Variants in SLC36A1 observed in about 807,000 individuals in gnomAD.
SLC36A1 encodes proton-coupled amino acid transporter 1.
A neutral mutation model predicts 47.5 loss-of-function variants in SLC36A1; 30 were observed. The ratio of observed to expected loss-of-function variants is 0.63; its 90% CI spans 0.47 to 0.86. SLC36A1 has a LOEUF of 0.86. Among genes scored for constraint, SLC36A1 ranks in the 40% least tolerant of loss-of-function variants. SLC36A1 has a pLI of 0.00. For synonymous variants in SLC36A1, 255 were observed against 249.7 expected, an observed-to-expected ratio of 1.02 and a Z score of -0.20; for missense variants, 517 against 606.0, an observed-to-expected ratio of 0.85 and a Z score of 1.54.
At chr5:151,469,105 A>G (rs1756986555) in intron 7 of SLC36A1, 1 of 428,858 alleles carries the variant, frequency 2.3e-6, no homozygotes, top group South Asian at 6.5e-5. Context: ...AAAAAAAAAT[A>G]CTTAAATTCA....
chr5:151,449,528 A>G (rs1259255645), intron 1 of SLC36A1, among the ~76,000 whole-genome samples: 1 of 152,192 alleles, frequency 6.6e-6, no homozygotes, highest in African/African-American at 2.4e-5. Flanking sequence ...CCTTTAAGGC[A>G]TGTAGCTGTT....
chr5:151,549,210 A>G, the SLC36A1 span: 2 of 1,282,076 alleles, frequency 1.6e-6, no homozygotes, highest in Non-Finnish European at 2.2e-6. Flanking sequence ...GTACTTGATT[A>G]ATTTGCGAAT....
the SLC36A1 span, among the ~76,000 whole-genome samples, chr5:151,362,748 G>A: frequency 6.6e-6 from 1 of 152,126 alleles, no homozygotes; most frequent in African/African-American, 2.4e-5. Flanking sequence ...CTCAGCAAAT[G>A]TATTTCTCAG....
the SLC36A1 span, among the ~76,000 whole-genome samples, chr5:151,346,329 C>T: frequency 6.6e-6 from 1 of 152,186 alleles, no homozygotes; most frequent in African/African-American, 2.4e-5. Context: ...TGTGTCCATC[C>T]CTAAATTGTC....
At chr5:151,428,937 G>A in the SLC36A1 span, among the ~76,000 whole-genome samples, 3 of 152,118 alleles carry the variant, frequency 2.0e-5, no homozygotes, top group Admixed American at 6.5e-5. Context: ...CTGGCCGTCC[G>A]TCTGCTGCAT....
the SLC36A1 span, among the ~76,000 whole-genome samples, chr5:151,385,030 G>GTGTGTGTGTGTA: frequency 6.6e-6 from 1 of 151,124 alleles, no homozygotes. Context: ...GTGTGTGTGT[G>GTGTGTGTGTGTA]TGTGTGTGAG....
At position 151,467,867 on chromosome 5, in the gene SLC36A1, T is replaced by C. The variant is rs367893924; in HGVS notation, c.665T>C (p.Leu222Pro). Residue 222 changes from leucine (L) to proline (P), a missense_variant, in exon 7 of 11, where the codon CTG becomes CCG. Coordinates refer to ENST00000243389, the MANE Select transcript of SLC36A1 (RefSeq NM_078483.4). ...RNLRALSIFS[L>P]LANITMLVSL... ...CTCCGAGCCCTGTCCATCTTCTCCC[T>C]GTTGGCCAACATCACCATGCTGGTC... 4 of 1,614,028 alleles carry C rather than the reference T, an allele frequency of 2.5e-6. No individual in the cohort carries two copies. Among genetic ancestry groups the C allele is most frequent in the Non-Finnish European group, 3.4e-6 (4 of 1,179,996 alleles).
At chr5:151,553,107 C>T in the SLC36A1 span, 1 of 1,484,222 alleles carries the variant, frequency 6.7e-7, no homozygotes, top group Non-Finnish European at 9.4e-7. Flanking sequence ...AGGACTGTAG[C>T]AGGAAAACTA....
At chr5:151,434,269 A>T (rs1169219970), upstream of SLC36A1, among the ~76,000 whole-genome samples, 2 of 152,226 alleles carry the variant, frequency 1.3e-5, no homozygotes, top group African/African-American at 4.8e-5. Context: ...TTAGTAACAG[A>T]AAAAAATGTA....
chr5:151,364,527 C>T, the SLC36A1 span, among the ~76,000 whole-genome samples: 1 of 152,094 alleles, frequency 6.6e-6, no homozygotes, highest in South Asian at 2.1e-4. Flanking sequence ...TAGTGAGATC[C>T]CATTTTAATT....
At chr5:151,393,972 C>T in the SLC36A1 span, among the ~76,000 whole-genome samples, 1 of 109,316 alleles carries the variant, frequency 9.1e-6, no homozygotes, top group South Asian at 2.7e-4. Context: ...TGGGGAAGTT[C>T]TCCTGGATAA....
the SLC36A1 span, chr5:151,507,491 G>A: frequency 6.2e-7 from 1 of 1,614,164 alleles, no homozygotes; most frequent in Non-Finnish European, 8.5e-7. Context: ...CAGTGCTTAT[G>A]ATAATGAACG....
intron 1 of SLC36A1, among the ~76,000 whole-genome samples, chr5:151,454,357 G>A (rs1020839752): frequency 6.6e-6 from 1 of 152,084 alleles, no homozygotes; most frequent in African/African-American, 2.4e-5. Flanking sequence ...GGAGCCTAAG[G>A]GCAGTGTGGC....
chr5:151,415,378 TCTA>T, the SLC36A1 span, among the ~76,000 whole-genome samples: 1 of 152,106 alleles, frequency 6.6e-6, no homozygotes, highest in African/African-American at 2.4e-5. Flanking sequence ...ATTCTTCTCT[TCTA>T]CTTCTCCTCC....
the SLC36A1 span, among the ~76,000 whole-genome samples, chr5:151,397,479 C>T: frequency 3.6e-3 from 550 of 152,298 alleles, 2 homozygotes; most frequent in African/African-American, 0.013. Flanking sequence ...GCCTGACTTA[C>T]TGAGAAGTGG....
the SLC36A1 span, among the ~76,000 whole-genome samples, chr5:151,535,996 A>G: frequency 6.6e-6 from 1 of 152,146 alleles, no homozygotes; most frequent in Admixed American, 6.5e-5. Flanking sequence ...TAGAGCTTTG[A>G]GATACTGCTG....
At chr5:151,537,201 A>G in the SLC36A1 span, among the ~76,000 whole-genome samples, 1 of 146,864 alleles carries the variant, frequency 6.8e-6, no homozygotes. Context: ...GAGAGAGAGA[A>G]AGAAGAAGAG....
chr5:151,355,449 A>T, the SLC36A1 span, among the ~76,000 whole-genome samples: 3 of 152,212 alleles, frequency 2.0e-5, no homozygotes, highest in African/African-American at 4.8e-5. Flanking sequence ...AAAAATTTGA[A>T]AAAGTGCATT....
At position 151,472,617 on chromosome 5, in the gene SLC36A1, G is replaced by A. The variant is rs1047371; in HGVS notation, c.724-1056G>A. Among the ~76,000 whole-genome samples the A allele has an allele frequency of 4.9e-3, 741 of 152,206 alleles. 4 individuals carry two copies. The highest frequency in any genetic ancestry group is 0.017 in the African/African-American group (711 of 41,512). ...CCTCCCCACATGTTCCAGCACTCCT[G>A]TTGTGTGCTTCTTGGTAATACTTTG... On this transcript the variant is annotated intron_variant, in intron 7 of 10. Coordinates refer to ENST00000243389, the MANE Select transcript of SLC36A1 (RefSeq NM_078483.4).
Sources: gnomAD v4.1 joint callset for allele counts (sites outside exome capture counted in the v4.1 genomes callset) on GRCh38, gnomAD v4.1.1 for gene constraint, MANE v1.5 for transcripts, NCBI Gene and HGNC (gene_info 2026-07-23, HGNC 2026-07-21) for gene names.